Variants in CLSTN2 observed in about 807,000 individuals in gnomAD.
CLSTN2 encodes calsyntenin-2.
A neutral mutation model predicts 101.2 loss-of-function variants in CLSTN2; 48 were observed. That is an observed-to-expected ratio of 0.47 (90% CI 0.38 to 0.60). The LOEUF (loss-of-function observed/expected upper bound fraction) is 0.60, where lower values mean the gene tolerates loss of function less well. CLSTN2 is among the 20% of genes least tolerant of loss of function. CLSTN2 has a pLI of 0.00. For synonymous variants in CLSTN2, 481 were observed against 463.6 expected (o/e 1.04, Z -0.48); for missense variants, 1,160 against 1,238.2 (o/e 0.94, Z 0.95).
At chr3:140,460,932 G>A (rs769815833) in intron 7 of CLSTN2, 1 of 152,110 alleles carries the variant, frequency 6.6e-6, no homozygotes, top group East Asian at 1.9e-4. Flanking sequence ...ACTTCTTAAG[G>A]CATGATCTTT....
intron 1 of CLSTN2, among the ~76,000 whole-genome samples, chr3:140,098,664 A>G (rs553232288): frequency 9.2e-5 from 14 of 152,362 alleles, no homozygotes; most frequent in African/African-American, 3.4e-4. Flanking sequence ...AAATACTCAA[A>G]CATGTAATCT....
At chr3:140,467,232 G>T (rs947748659) in intron 8 of CLSTN2, among the ~76,000 whole-genome samples, 1 of 152,194 alleles carries the variant, frequency 6.6e-6, no homozygotes, top group Admixed American at 6.5e-5. Flanking sequence ...TCACTCCAGA[G>T]CCTCGTGACT....
chr3:140,542,138 T>TC (rs1935492547), intron 9 of CLSTN2, among the ~76,000 whole-genome samples: 1 of 152,236 alleles, frequency 6.6e-6, no homozygotes. Context: ...TTATTTTTTT[T>TC]CCCTCTTACC....
intron 5 of CLSTN2, among the ~76,000 whole-genome samples, chr3:140,441,473 G>T (rs2088763934): frequency 6.6e-6 from 1 of 152,234 alleles, no homozygotes; most frequent in Non-Finnish European, 1.5e-5. Context: ...TTAGTCATCA[G>T]AACATCCCCA....
At chr3:140,027,384 G>GTGA (rs2007442752) in intron 1 of CLSTN2, among the ~76,000 whole-genome samples, 1 of 152,164 alleles carries the variant, frequency 6.6e-6, no homozygotes, top group African/African-American at 2.4e-5. Context: ...AGAGGACCGT[G>GTGA]TGAAGATGGA....
chr3:140,231,922 G>A (rs1306761120), intron 2 of CLSTN2, among the ~76,000 whole-genome samples: 1 of 152,182 alleles, frequency 6.6e-6, no homozygotes, highest in Non-Finnish European at 1.5e-5. Context: ...TCACTTTCTA[G>A]CTTTGTGACT....
chr3:140,111,923 T>C (rs2009163158), intron 1 of CLSTN2, among the ~76,000 whole-genome samples: 1 of 152,146 alleles, frequency 6.6e-6, no homozygotes, highest in African/African-American at 2.4e-5. Context: ...AGAGTACAAG[T>C]GACTTACCCA....
chr3:140,049,289 GTAAA>G (rs2007942360), intron 1 of CLSTN2, among the ~76,000 whole-genome samples: 1 of 121,438 alleles, frequency 8.2e-6, no homozygotes, highest in Non-Finnish European at 2.0e-5. Context: ...AAATTTAACA[GTAAA>G]ATCAAGAAAA....
At chr3:140,210,925 C>T (rs564956779) in intron 2 of CLSTN2, among the ~76,000 whole-genome samples, 4 of 152,226 alleles carry the variant, frequency 2.6e-5, no homozygotes, top group South Asian at 2.1e-4. Flanking sequence ...TTTGGGTCTT[C>T]GATTCATAGT....
At chr3:140,369,713 C>A (rs1478209055) in intron 2 of CLSTN2, among the ~76,000 whole-genome samples, 1 of 152,184 alleles carries the variant, frequency 6.6e-6, no homozygotes, top group Non-Finnish European at 1.5e-5. Flanking sequence ...CCTCCACCCC[C>A]AGCTTGTTGC....
At chr3:140,295,535 G>A (rs993250321) in intron 2 of CLSTN2, among the ~76,000 whole-genome samples, 6 of 151,888 alleles carry the variant, frequency 4.0e-5, no homozygotes. Flanking sequence ...AATTTATTTT[G>A]GTTTAAAGTG....
rs1319088145 is a variant in CLSTN2 at position 140,556,551 on chromosome 3, A to G, written c.1713A>G (p.Glu571=). 1.7e-5 allele frequency: 28 copies of G among 1,614,052 alleles called. No homozygotes were observed. Among genetic ancestry groups the G allele is most frequent in the Non-Finnish European group, 2.3e-5 (27 of 1,179,950 alleles). Residue 571 remains glutamate, a synonymous_variant, in exon 11 of 17, where the codon GAA becomes GAG. Transcript: ENST00000458420. ...FNPSQSILVM[E]GDDIGNINRA... The stretch of plus-strand genomic sequence containing the variant: ...CCTCGCAGTCCATCCTGGTGATGGA[A>G]GGTGACGACATTGGGAACATTAACC...
chr3:140,328,263 G>C (rs1452112141), intron 2 of CLSTN2, among the ~76,000 whole-genome samples: 1 of 152,098 alleles, frequency 6.6e-6, no homozygotes, highest in African/African-American at 2.4e-5. Context: ...GAAGTTCTCA[G>C]AGAAGGACCA....
At chr3:140,153,256 C>A (rs1421973821) in intron 1 of CLSTN2, among the ~76,000 whole-genome samples, 2 of 152,230 alleles carry the variant, frequency 1.3e-5, no homozygotes, top group East Asian at 1.9e-4. Flanking sequence ...AACAAGTACA[C>A]CCGTTGGCAC....
At chr3:140,199,009 T>TGAC (rs1336462110) in intron 2 of CLSTN2, among the ~76,000 whole-genome samples, 1 of 152,228 alleles carries the variant, frequency 6.6e-6, no homozygotes, top group African/African-American at 2.4e-5. Flanking sequence ...AAGGCCCGGA[T>TGAC]GACAGCCCCT....
At chr3:139,987,261 T>C (rs1936041207) in intron 1 of CLSTN2, among the ~76,000 whole-genome samples, 1 of 152,238 alleles carries the variant, frequency 6.6e-6, no homozygotes, top group Admixed American at 6.5e-5. Context: ...TTTTGCAGTA[T>C]GTGTCAAATG....
intron 4 of CLSTN2, among the ~76,000 whole-genome samples, chr3:140,415,592 C>A (rs112175305): frequency 9.5e-5 from 14 of 147,698 alleles, no homozygotes; most frequent in African/African-American, 3.5e-4. Flanking sequence ...GACGTGCATA[C>A]AAAAAGATGT....
intron 2 of CLSTN2, among the ~76,000 whole-genome samples, chr3:140,202,156 G>A (rs1215458743): frequency 6.6e-6 from 1 of 152,180 alleles, no homozygotes; most frequent in African/African-American, 2.4e-5. Flanking sequence ...AGCTACAGCA[G>A]GGGTTTGAGC....
intron 8 of CLSTN2, among the ~76,000 whole-genome samples, chr3:140,528,082 T>C (rs1284458261): frequency 6.6e-6 from 1 of 152,312 alleles, no homozygotes; most frequent in East Asian, 1.9e-4. Flanking sequence ...GAAATTATCT[T>C]GAAAAATAAT....
Sources: allele counts gnomAD v4.1 joint callset (sites outside exome capture counted in the v4.1 genomes callset), GRCh38; gene constraint gnomAD v4.1.1; transcripts MANE v1.5; gene names NCBI Gene and HGNC (gene_info 2026-07-23, HGNC 2026-07-21).